ADNP: variants seen among roughly 807,000 people sequenced by gnomAD.
ADNP encodes activity dependent neuroprotector homeobox.
ADNP carries 4 observed loss-of-function variants against 84.9 expected under a neutral mutation model. The ratio of observed to expected loss-of-function variants is 0.05; its 90% CI spans 0.02 to 0.11. ADNP has a LOEUF of 0.11. Ranked by LOEUF, ADNP falls within the 10% of genes least tolerant of loss-of-function variation. ADNP has a pLI of 1.00. For missense variants in ADNP, 1,132 were observed against 1,326.0 expected, an observed-to-expected ratio of 0.85 and a Z score of 2.27; for synonymous variants, 554 against 468.1, an observed-to-expected ratio of 1.18 and a Z score of -2.37.
At chr20:50,909,363 CAAAAAAAAAAAAAAAAAAA>C (rs3069819) in intron 2 of ADNP, 1 of 44,352 alleles carries the variant, frequency 2.3e-5, no homozygotes. Flanking sequence ...AAAACTGTCT[CAAAAAAAAAAAAAAAAAAA>C]AAAAAAAAAA....
chr20:50,926,807 T>G (rs918885259), intron 2 of ADNP, among the ~76,000 whole-genome samples: 1 of 152,186 alleles, frequency 6.6e-6, no homozygotes, highest in Non-Finnish European at 1.5e-5. Context: ...ATGCTGAAGT[T>G]TTTCTTTTTT....
intron 5 of ADNP, among the ~76,000 whole-genome samples, chr20:50,901,624 A>C (rs1391377080): frequency 6.6e-6 from 1 of 152,176 alleles, no homozygotes; most frequent in African/African-American, 2.4e-5. Context: ...CTCCCATAGA[A>C]GTTGGGTGCC....
chr20:50,897,917 T>A (rs1981583264), intron 5 of ADNP, among the ~76,000 whole-genome samples: 1 of 152,170 alleles, frequency 6.6e-6, no homozygotes, highest in South Asian at 2.1e-4. Flanking sequence ...ACTTCTTATA[T>A]CTCCTGCAGT....
chr20:50,930,415 A>G (rs1984618547), intron 1 of ADNP, among the ~76,000 whole-genome samples: 1 of 150,164 alleles, frequency 6.7e-6, no homozygotes, highest in African/African-American at 2.4e-5. Context: ...GGCTGGTTCA[A>G]GGCATGGGGG....
Position 50,913,940 on chromosome 20 carries a change from G to A in ADNP, c.-89-9091C>T, listed in dbSNP as rs574038697. On this transcript the variant is annotated intron_variant, in intron 2 of 5. Coordinates refer to ENST00000621696, the MANE Select transcript of ADNP (RefSeq NM_001282531.3). ...TGCCAGTGAATGATAAAGACTATGC[G>A]AGATTGGTCTCCTCTTCAGACTGCT... 12 of 684,646 alleles carry A rather than the reference G, an allele frequency of 1.8e-5. 1 individual carries two copies. The highest frequency in any genetic ancestry group is 1.4e-4 in the African/African-American group (8 of 55,450). 42.4% of individuals were successfully genotyped at this position (684,646 alleles called of 1,614,324 possible).
chr20:50,908,408 C>T (rs1414510860), intron 2 of ADNP, among the ~76,000 whole-genome samples: 2 of 152,148 alleles, frequency 1.3e-5, no homozygotes, highest in African/African-American at 4.8e-5. Flanking sequence ...GAGAAGGACC[C>T]TATGTTTCTT....
chr20:50,919,320 A>C (rs1404355931), intron 2 of ADNP, among the ~76,000 whole-genome samples: 1 of 125,762 alleles, frequency 8.0e-6, no homozygotes, highest in African/African-American at 3.8e-5. Context: ...TATATATGTA[A>C]AAAGCCAGGT....
chr20:50,901,182 TCTC>T (rs1271732717), intron 5 of ADNP, among the ~76,000 whole-genome samples: 1 of 152,018 alleles, frequency 6.6e-6, no homozygotes, highest in African/African-American at 2.4e-5. Context: ...ATACTCTGCT[TCTC>T]CTCAAAGCTC....
intron 2 of ADNP, among the ~76,000 whole-genome samples, chr20:50,918,438 AAT>A (rs1491150098): frequency 5.9e-5 from 9 of 152,132 alleles, no homozygotes; most frequent in African/African-American, 2.2e-4. Context: ...ATAATCATTT[AAT>A]ATGAGTGGTA....
At position 50,893,079 on chromosome 20, in the gene ADNP, A is replaced by C; in HGVS notation, c.1635T>G (p.Asp545Glu). 1 of 1,614,230 alleles carries C rather than the reference A, an allele frequency of 6.2e-7. No homozygotes were observed. Among genetic ancestry groups the C allele is most frequent in the Non-Finnish European group, 8.5e-7 (1 of 1,180,044 alleles). Residue 545 changes from aspartate to glutamate, a missense_variant, in exon 6 of 6, where the codon GAT becomes GAG. Physicochemically the swap from Asp to Glu is conservative, Grantham distance 45. This residue lies in a region of ADNP where 87 missense variants were observed against 181.4 expected (regional missense o/e 0.48). Transcript: ENST00000621696. This position sits in a 1 kb window ranked among gnomAD's most constrained non-coding sequence, Gnocchi z 4.4. The part of the protein sequence containing the change: ...HIDEEMGPKT[D>E]STLSFDLTLQ... ...ATGTCAAATCAAAACTCAAAGTAGAATCTGTTTTAGGTCCCATCTCTTCAT... is the reference window on the plus strand; with the variant it reads ...ATGTCAAATCAAAACTCAAAGTAGACTCTGTTTTAGGTCCCATCTCTTCAT...
chr20:50,930,391 C>T (rs867729565), intron 1 of ADNP, among the ~76,000 whole-genome samples: 21 of 150,720 alleles, frequency 1.4e-4, no homozygotes, highest in South Asian at 2.1e-4. Context: ...TAAGGGTGGG[C>T]AGACCTGGCA....
chr20:50,905,724 A>G (rs1246461196), intron 2 of ADNP, among the ~76,000 whole-genome samples: 5 of 152,228 alleles, frequency 3.3e-5, no homozygotes, highest in Admixed American at 1.3e-4. Context: ...AGCAATGACT[A>G]TGGTGTCCCC....
At chr20:50,907,916 T>G (rs1239944691) in intron 2 of ADNP, among the ~76,000 whole-genome samples, 2 of 152,184 alleles carry the variant, frequency 1.3e-5, no homozygotes, top group Non-Finnish European at 2.9e-5. Flanking sequence ...ATGTTCACAT[T>G]AACTCAGAAC....
chr20:50,918,409 C>T lies in ADNP; in HGVS notation c.-90+10242G>A, dbSNP rs564251315. Among the ~76,000 whole-genome samples the T allele has an allele frequency of 2.4e-3, 359 of 152,192 alleles. 1 individual carries two copies. The highest frequency in any genetic ancestry group is 4.2e-3 in the South Asian group (20 of 4,818). On this transcript the variant is annotated intron_variant, in intron 2 of 5. Transcript: ENST00000621696. Reference sequence around the variant, plus strand: ...GCATTTTGAAGGTCTATACAAATTTCCAGACCATTTTTGACACTATAATCA... The same window carrying T: ...GCATTTTGAAGGTCTATACAAATTTTCAGACCATTTTTGACACTATAATCA...
chr20:50,895,022 C>G (rs535581613), intron 5 of ADNP, among the ~76,000 whole-genome samples: 35 of 152,206 alleles, frequency 2.3e-4, no homozygotes, highest in African/African-American at 8.2e-4. Flanking sequence ...ATGCTAAGTT[C>G]TTTCTCAATG....
intron 2 of ADNP, among the ~76,000 whole-genome samples, chr20:50,925,331 CATG>C (rs1984222168): frequency 6.6e-6 from 1 of 151,034 alleles, no homozygotes; most frequent in Non-Finnish European, 1.5e-5. Flanking sequence ...ACTTGAGAAG[CATG>C]ATAATATGTG....
intron 2 of ADNP, among the ~76,000 whole-genome samples, chr20:50,915,293 A>AAGC (rs1983425704): frequency 6.6e-6 from 1 of 152,210 alleles, no homozygotes; most frequent in Non-Finnish European, 1.5e-5. Flanking sequence ...TATAGCCAAT[A>AAGC]AGCCCTTATT....
At chr20:50,912,961 C>T (rs950765701) in intron 2 of ADNP, among the ~76,000 whole-genome samples, 2 of 151,948 alleles carry the variant, frequency 1.3e-5, no homozygotes, top group African/African-American at 4.8e-5. Context: ...AAGAAAACGG[C>T]AGCTGTCAGG....
At chr20:50,908,774 CA>C (rs796139131) in intron 2 of ADNP, among the ~76,000 whole-genome samples, 2 of 146,248 alleles carry the variant, frequency 1.4e-5, no homozygotes, top group African/African-American at 2.5e-5. Flanking sequence ...ACTCTGTCTG[CA>C]AAAAAAGAAA....
Sources: gnomAD v4.1 joint callset for allele counts (sites outside exome capture counted in the v4.1 genomes callset) on GRCh38, gnomAD v4.1.1 for gene constraint, gnomAD v4.1.1 regional missense constraint, Gnocchi (gnomAD v3.1) non-coding constraint, MANE v1.5 for transcripts, NCBI Gene and HGNC (gene_info 2026-07-23, HGNC 2026-07-21) for gene names.